IL1RAPL1: variants seen among roughly 807,000 people sequenced by gnomAD.
The protein encoded by IL1RAPL1 is interleukin-1 receptor accessory protein-like 1.
IL1RAPL1 carries 3 observed loss-of-function variants against 48.4 expected under a neutral mutation model. That is an observed-to-expected ratio of 0.06 (90% CI 0.03 to 0.16). The LOEUF (loss-of-function observed/expected upper bound fraction) is 0.16, where lower values mean the gene tolerates loss of function less well. Ranked by LOEUF, IL1RAPL1 falls within the 10% of genes least tolerant of loss-of-function variation. The pLI is 1.00. For missense variants in IL1RAPL1, 349 were observed against 530.6 expected (o/e 0.66, Z 3.36); for synonymous variants, 185 against 187.7 (o/e 0.99, Z 0.12).
chrX:29,324,393 T>A (rs1932830284), intron 3 of IL1RAPL1, among the ~76,000 whole-genome samples: 1 of 111,636 alleles, frequency 9.0e-6, no homozygotes, highest in South Asian at 3.8e-4. Flanking sequence ...GACAGCTGTG[T>A]AGAACTGTGA....
chrX:28,870,638 A>AT (rs770070774), intron 2 of IL1RAPL1, among the ~76,000 whole-genome samples: 1 of 111,677 alleles, frequency 9.0e-6, no homozygotes, highest in Non-Finnish European at 1.9e-5. Context: ...TTTTCTTTAT[A>AT]TATCTCTTCC....
At chrX:28,990,393 G>A (rs922256153) in intron 2 of IL1RAPL1, among the ~76,000 whole-genome samples, 2 of 111,899 alleles carry the variant, frequency 1.8e-5, no homozygotes, top group African/African-American at 6.5e-5. Context: ...GTAAGCTTTC[G>A]TTGATCTGGA....
intron 2 of IL1RAPL1, among the ~76,000 whole-genome samples, chrX:29,099,503 T>A (rs1928287784): frequency 8.9e-6 from 1 of 112,154 alleles, no homozygotes; most frequent in African/African-American, 3.2e-5. Context: ...ATTACAACTT[T>A]CATTTTCAGA....
intron 1 of IL1RAPL1, among the ~76,000 whole-genome samples, chrX:28,702,165 T>C (rs777379385): frequency 3.6e-4 from 40 of 111,524 alleles, no homozygotes; most frequent in African/African-American, 9.1e-4. Flanking sequence ...ACATTCCTTC[T>C]ATGTAACTGG....
At chrX:29,220,060 A>G (rs927411610) in intron 2 of IL1RAPL1, among the ~76,000 whole-genome samples, 17 of 111,862 alleles carry the variant, frequency 1.5e-4, no homozygotes, top group Non-Finnish European at 3.2e-4. Context: ...CCGTTAATAA[A>G]TCAATGATAA....
chrX:28,701,329 C>A (rs181082321), intron 1 of IL1RAPL1, among the ~76,000 whole-genome samples: 28 of 112,023 alleles, frequency 2.5e-4, no homozygotes, highest in African/African-American at 8.1e-4. Flanking sequence ...TTTGCTAACT[C>A]ATTTTTTGAG....
intron 2 of IL1RAPL1, among the ~76,000 whole-genome samples, chrX:28,852,981 A>G (rs948693415): frequency 2.7e-5 from 3 of 111,046 alleles, no homozygotes; most frequent in African/African-American, 9.8e-5. Flanking sequence ...ATATCCTGAT[A>G]TAGATAGACA....
At chrX:29,119,866 A>G (rs1480527348) in intron 2 of IL1RAPL1, among the ~76,000 whole-genome samples, 1 of 111,788 alleles carries the variant, frequency 8.9e-6, no homozygotes, top group African/African-American at 3.2e-5. Context: ...TGTTGTTAGC[A>G]AAGTCTGCCC....
chrX:29,057,342 C>G (rs1184157228), intron 2 of IL1RAPL1, among the ~76,000 whole-genome samples: 2 of 111,635 alleles, frequency 1.8e-5, no homozygotes, highest in Non-Finnish European at 3.8e-5. Flanking sequence ...GCAATATAAT[C>G]TAATGAAGTG....
At chrX:29,104,147 G>T in intron 2 of IL1RAPL1, among the ~76,000 whole-genome samples, 1 of 112,058 alleles carries the variant, frequency 8.9e-6, no homozygotes, top group Non-Finnish European at 1.9e-5. Context: ...AAGGAAATCA[G>T]TGTATTGAAG....
intron 5 of IL1RAPL1, among the ~76,000 whole-genome samples, chrX:29,510,053 A>G (rs1210320846): frequency 8.9e-6 from 1 of 112,452 alleles, no homozygotes; most frequent in Non-Finnish European, 1.9e-5. Context: ...CACAAATGTG[A>G]ATCTGTAAAG....
At chrX:29,183,263 A>G (rs1339114057) in intron 2 of IL1RAPL1, among the ~76,000 whole-genome samples, 3 of 111,245 alleles carry the variant, frequency 2.7e-5, no homozygotes, top group Non-Finnish European at 5.7e-5. Flanking sequence ...CCTCTTCTCC[A>G]TCCCTGCAGA....
intron 2 of IL1RAPL1, among the ~76,000 whole-genome samples, chrX:29,081,014 CTCTCTCTTTCTTTTCTTTTCT>C (rs1396659365): frequency 1.6e-4 from 11 of 67,492 alleles, no homozygotes; most frequent in African/African-American, 1.6e-4. Context: ...CTCTCTCTCT[CTCTCTCTTTCTTTTCTTTTCT>C]TTTCTTTTCT....
intron 1 of IL1RAPL1, among the ~76,000 whole-genome samples, chrX:28,669,495 T>G (rs1267206363): frequency 9.2e-6 from 1 of 108,438 alleles, no homozygotes; most frequent in Non-Finnish European, 1.9e-5. Context: ...GGCGCATGCC[T>G]GTAATCCCGG....
At chrX:29,266,149 A>G (rs1249557787) in intron 2 of IL1RAPL1, among the ~76,000 whole-genome samples, 1 of 111,535 alleles carries the variant, frequency 9.0e-6, no homozygotes, top group African/African-American at 3.3e-5. Context: ...TCATGCTGCT[A>G]TAAAGACACA....
At chrX:29,227,975 C>T (rs1602122647) in intron 2 of IL1RAPL1, among the ~76,000 whole-genome samples, 1 of 110,654 alleles carries the variant, frequency 9.0e-6, no homozygotes, top group Admixed American at 9.6e-5. Flanking sequence ...AAACTCTTCA[C>T]TTAAAAAATA....
chrX:29,503,070 A>G (rs1472229294), intron 5 of IL1RAPL1, among the ~76,000 whole-genome samples: 1 of 110,929 alleles, frequency 9.0e-6, no homozygotes, highest in Non-Finnish European at 1.9e-5. Context: ...AAGTTTTCCA[A>G]TTTCTTGGCA....
intron 2 of IL1RAPL1, among the ~76,000 whole-genome samples, chrX:28,873,198 C>T (rs1399231521): frequency 1.9e-5 from 2 of 103,477 alleles, no homozygotes; most frequent in African/African-American, 7.2e-5. Flanking sequence ...GCAACGTCCG[C>T]CTCCCGGGTT....
intron 6 of IL1RAPL1, among the ~76,000 whole-genome samples, chrX:29,738,246 C>T (rs1482159715): frequency 9.1e-6 from 1 of 110,393 alleles, no homozygotes; most frequent in African/African-American, 3.3e-5. Context: ...CATTCGCTAA[C>T]CCAGGATAGT....
Sources: allele counts gnomAD v4.1 joint callset (sites outside exome capture counted in the v4.1 genomes callset), GRCh38; gene constraint gnomAD v4.1.1; transcripts MANE v1.5; gene names NCBI Gene and HGNC (gene_info 2026-07-23, HGNC 2026-07-21).